The following GRIP1 variants were observed in gnomAD, a reference collection of about 807,000 sequenced individuals.
The protein encoded by GRIP1 is glutamate receptor interacting protein 1.
GRIP1 carries 45 observed loss-of-function variants against 129.9 expected under a neutral mutation model. The ratio of observed to expected loss-of-function variants is 0.35; its 90% CI spans 0.27 to 0.44. GRIP1 has a LOEUF of 0.44. GRIP1 is among the 20% of genes least tolerant of loss of function. The probability of loss-of-function intolerance (pLI) is 1.00; values close to 1 mark genes in which losing one functional copy is unlikely to be tolerated. For synonymous variants in GRIP1, 530 were observed against 520.8 expected (o/e 1.02, Z -0.24); for missense variants, 1,196 against 1,396.8 (o/e 0.86, Z 2.29).
intron 1 of GRIP1, among the ~76,000 whole-genome samples, chr12:66,881,569 T>A (rs2040479158): frequency 6.6e-6 from 1 of 152,122 alleles, no homozygotes; most frequent in African/African-American, 2.4e-5. Context: ...CATGCACCAT[T>A]GAGCTTTACA....
chr12:66,351,019 G>A (rs532425091), intron 24 of GRIP1, among the ~76,000 whole-genome samples: 1 of 152,262 alleles, frequency 6.6e-6, no homozygotes, highest in South Asian at 2.1e-4. Context: ...ACTCATAGAA[G>A]GTAAGTAACT....
At chr12:66,446,959 T>C (rs1432679767) in intron 11 of GRIP1, among the ~76,000 whole-genome samples, 5 of 152,226 alleles carry the variant, frequency 3.3e-5, no homozygotes, top group African/African-American at 1.2e-4. Context: ...TGACTTTCAG[T>C]CCCATTCCCT....
chr12:66,454,149 C>A (rs1345109831), intron 11 of GRIP1, among the ~76,000 whole-genome samples: 1 of 151,920 alleles, frequency 6.6e-6, no homozygotes, highest in African/African-American at 2.4e-5. Context: ...GCTTCAGTTT[C>A]CTGTATCATG....
At chr12:66,605,068 T>TAC (rs56773475) in intron 1 of GRIP1, among the ~76,000 whole-genome samples, 28,973 of 146,952 alleles carry the variant, frequency 0.2, 2,903 homozygotes, top group Non-Finnish European at 0.23. Context: ...TATATATACA[T>TAC]ATATATATAT....
chr12:66,420,785 T>C lies in GRIP1; in HGVS notation c.1773A>G (p.Pro591=), dbSNP rs368231578. 6.5e-6 allele frequency: 10 copies of C among 1,549,834 alleles called. No homozygotes were observed. In the African/African-American group the frequency reaches 1.4e-4, roughly 21 times the overall value. ...NVELGITISS[P]SSRKPGDPLV... ...GGGGGTCTCCTGGTTTTCTACTGGA[T>C]GGTGCTGTAATAATGGAGATAGAAT... is the stretch of plus-strand genomic sequence containing the variant. The change falls in exon 15 of 25, where the codon CCA becomes CCG. Residue 591 remains proline (P), a synonymous_variant. Transcript: ENST00000359742.
At chr12:66,934,425 T>C (rs2041450872) in intron 1 of GRIP1, among the ~76,000 whole-genome samples, 1 of 152,190 alleles carries the variant, frequency 6.6e-6, no homozygotes, top group South Asian at 2.1e-4. Flanking sequence ...ACATGAGAAA[T>C]AACTACATCA....
At chr12:66,874,907 T>C (rs1193517078) in intron 1 of GRIP1, among the ~76,000 whole-genome samples, 1 of 151,560 alleles carries the variant, frequency 6.6e-6, no homozygotes, top group Non-Finnish European at 1.5e-5. Context: ...TCTAAAATTA[T>C]CTCAGCTTAC....
intron 1 of GRIP1, among the ~76,000 whole-genome samples, chr12:66,794,764 G>A (rs546523117): frequency 6.6e-6 from 1 of 152,146 alleles, no homozygotes; most frequent in Admixed American, 6.6e-5. Flanking sequence ...TTTTATGCCT[G>A]ATCATCTTCC....
intron 1 of GRIP1, among the ~76,000 whole-genome samples, chr12:66,835,102 C>T (rs566371099): frequency 6.6e-6 from 1 of 152,090 alleles, no homozygotes; most frequent in African/African-American, 2.4e-5. Flanking sequence ...TTATCTAAAA[C>T]ATATAAAGAA....
At chr12:66,859,355 C>T (rs77887632) in intron 1 of GRIP1, among the ~76,000 whole-genome samples, 153 of 145,584 alleles carry the variant, frequency 1.1e-3, no homozygotes, top group Non-Finnish European at 1.8e-3. Flanking sequence ...GTTCCTTTAG[C>T]ATTTGTGTAT....
In GRIP1 at chr12:66,392,466, G is replaced by T. The variant is rs748677923; in HGVS notation, c.2306C>A (p.Ser769Tyr). Residue 769 changes from serine to tyrosine, a missense_variant, in exon 19 of 25, where the codon TCT becomes TAT. Ser to Tyr is a moderately radical substitution (Grantham distance 144). Coordinates refer to ENST00000359742, the MANE Select transcript of GRIP1 (RefSeq NM_001366722.1). The stretch of plus-strand genomic sequence containing the variant: ...ATCCCCCAGGTCACTCAAATGGCTA[G>T]AAATAGGGAACTTCTTGGGGCTCGA... ...SASSPKKFPI[S>Y]SHLSDLGDVE... 1.9e-6 allele frequency: 3 copies of T among 1,614,012 alleles called. No homozygotes were observed. The highest frequency in any genetic ancestry group is 2.5e-6 in the Non-Finnish European group (3 of 1,180,002).
intron 7 of GRIP1, among the ~76,000 whole-genome samples, chr12:66,469,217 T>C (rs1232383523): frequency 1.3e-5 from 2 of 152,206 alleles, no homozygotes; most frequent in Non-Finnish European, 2.9e-5. Flanking sequence ...TTTTCTTCAC[T>C]TGTAAAATGA....
chr12:66,983,590 T>C (rs2042269245), intron 1 of GRIP1, among the ~76,000 whole-genome samples: 1 of 152,220 alleles, frequency 6.6e-6, no homozygotes, highest in South Asian at 2.1e-4. Context: ...GCTTTTTTAT[T>C]TACTGTAACT....
intron 23 of GRIP1, among the ~76,000 whole-genome samples, chr12:66,361,529 G>A (rs888786709): frequency 2.0e-5 from 3 of 152,192 alleles, no homozygotes; most frequent in African/African-American, 4.8e-5. Context: ...TAACAAAAAC[G>A]AAAGAGCTAG....
intron 1 of GRIP1, among the ~76,000 whole-genome samples, chr12:66,724,669 G>A (rs1404640599): frequency 6.6e-6 from 1 of 152,074 alleles, no homozygotes; most frequent in African/African-American, 2.4e-5. Context: ...CCCTCCTTTA[G>A]AAATTACTCC....
chr12:66,825,216 C>T (rs2136998104), intron 1 of GRIP1, among the ~76,000 whole-genome samples: 1 of 152,142 alleles, frequency 6.6e-6, no homozygotes, highest in South Asian at 2.1e-4. Flanking sequence ...TTCATAGGGT[C>T]AAATTTTAAA....
At chr12:66,507,783 T>TTTCTTTC in intron 7 of GRIP1, among the ~76,000 whole-genome samples, 1 of 124,404 alleles carries the variant, frequency 8.0e-6, no homozygotes, top group African/African-American at 3.0e-5. Context: ...TTCTTTCTTT[T>TTTCTTTC]TTTTTACAGA....
At chr12:66,958,858 A>G (rs1168641090) in intron 1 of GRIP1, among the ~76,000 whole-genome samples, 6 of 152,160 alleles carry the variant, frequency 3.9e-5, no homozygotes, top group African/African-American at 1.4e-4. Flanking sequence ...CTTTTGATGC[A>G]TATTACGAAA....
chr12:66,459,011 C>T (rs1446282562), intron 9 of GRIP1, among the ~76,000 whole-genome samples: 2 of 152,178 alleles, frequency 1.3e-5, no homozygotes, highest in Non-Finnish European at 2.9e-5. Context: ...GTACTTATTG[C>T]TGTCTGAAAC....
Sources: gnomAD v4.1 joint callset for allele counts (sites outside exome capture counted in the v4.1 genomes callset) on GRCh38, gnomAD v4.1.1 for gene constraint, MANE v1.5 for transcripts, NCBI Gene and HGNC (gene_info 2026-07-23, HGNC 2026-07-21) for gene names.